The following PCDHA7 variants were observed in gnomAD, a reference collection of about 807,000 sequenced individuals.
PCDHA7 encodes the protein protocadherin alpha 7, also known as protocadherin alpha-7.
A neutral mutation model predicts 57.2 loss-of-function variants in PCDHA7; 37 were observed. The ratio of observed to expected loss-of-function variants is 0.65; its 90% CI spans 0.50 to 0.85. PCDHA7 has a LOEUF of 0.85. Ranked by LOEUF, PCDHA7 falls within the 40% of genes least tolerant of loss-of-function variation. The pLI is 0.00. For missense variants in PCDHA7, 1,188 were observed against 1,241.8 expected (o/e 0.96, Z 0.65); for synonymous variants, 553 against 558.8 (o/e 0.99, Z 0.15).
chr5:140,907,009 C>A (rs2193983), intron 1 of PCDHA7, among the ~76,000 whole-genome samples: 26,809 of 152,052 alleles, frequency 0.18, 2,652 homozygotes, highest in African/African-American at 0.27. Flanking sequence ...GGAACTAAGA[C>A]CTCTAGGCCA....
chr5:140,856,541 G>T lies in PCDHA7; in HGVS notation c.2355+19803G>T, dbSNP rs1554148841. 5.0e-6 allele frequency: 8 copies of T among 1,598,164 alleles called. 2 individuals carry two copies. Among genetic ancestry groups the T allele is most frequent in the South Asian group, 4.4e-5 (4 of 90,522 alleles). On this transcript the variant is annotated intron_variant, in intron 1 of 3. Transcript: ENST00000525929. ...ATCTGATGCGGATGTTGGAGAGAAC[G>T]CATTGCTTACTTACAAACTCAGTCC...
At chr5:140,850,501 T>C (rs2150486644) in intron 1 of PCDHA7, 1 of 1,598,068 alleles carries the variant, frequency 6.3e-7, no homozygotes, top group African/African-American at 1.3e-5. Context: ...CTGGTGTCGC[T>C]GGTGGAGAGC....
At chr5:140,955,381 T>TG (rs782287731) in intron 1 of PCDHA7, among the ~76,000 whole-genome samples, 4 of 152,136 alleles carry the variant, frequency 2.6e-5, no homozygotes, top group Non-Finnish European at 5.9e-5. Context: ...AATTGAATCA[T>TG]GGGGGCAATT....
At chr5:140,941,506 G>A (rs556309408) in intron 1 of PCDHA7, among the ~76,000 whole-genome samples, 3 of 151,236 alleles carry the variant, frequency 2.0e-5, no homozygotes, top group Non-Finnish European at 4.4e-5. Flanking sequence ...TAGTAGAGAC[G>A]AGGTTTCACC....
At chr5:140,869,850 G>A in intron 1 of PCDHA7, 1 of 1,610,774 alleles carries the variant, frequency 6.2e-7, no homozygotes, top group South Asian at 1.1e-5. Flanking sequence ...AATATAAGGT[G>A]AGCCTTATGG....
intron 1 of PCDHA7, among the ~76,000 whole-genome samples, chr5:140,910,738 C>G (rs2075147470): frequency 6.6e-6 from 1 of 152,098 alleles, no homozygotes; most frequent in Non-Finnish European, 1.5e-5. Context: ...GCTAACCAAG[C>G]ACATAAATTA....
chr5:140,877,949 A>G (rs1554170233), intron 1 of PCDHA7: 1 of 1,348,792 alleles, frequency 7.4e-7, no homozygotes, highest in East Asian at 2.6e-5. Flanking sequence ...AAACTATCGA[A>G]TGTCTCATCT....
chr5:140,841,175 A>G (rs1265444070), intron 1 of PCDHA7: 19 of 1,071,444 alleles, frequency 1.8e-5, no homozygotes, highest in African/African-American at 3.2e-5. Flanking sequence ...CTGGTTGGTC[A>G]ATGTTCAAAG....
At position 140,869,188 on chromosome 5, in the gene PCDHA7, G is replaced by T. The variant is rs200563745; in HGVS notation, c.2355+32450G>T. 364 of 1,613,946 alleles carry T rather than the reference G, an allele frequency of 2.3e-4. 4 individuals carry two copies. In the Admixed American group the frequency reaches 5.9e-3, roughly 26 times the overall value. On this transcript the variant is annotated intron_variant, in intron 1 of 3. Coordinates refer to ENST00000525929, the MANE Select transcript of PCDHA7 (RefSeq NM_018910.3). ...CCTCGAATTCTGGGAGGTGGGGAGC[G>T]GCCAGCTCCACTACTCCGTCTCGGA...
intron 1 of PCDHA7, among the ~76,000 whole-genome samples, chr5:140,924,692 C>T (rs1421659285): frequency 2.0e-5 from 3 of 151,910 alleles, no homozygotes; most frequent in Admixed American, 6.6e-5. Flanking sequence ...GTCAGGAGTT[C>T]GAGACCAGCT....
At chr5:140,850,781 G>C (rs2150498025) in intron 1 of PCDHA7, 2 of 1,598,096 alleles carry the variant, frequency 1.3e-6, no homozygotes, top group African/African-American at 2.7e-5. Context: ...GCTCTGGCGA[G>C]GGTAAGCAGA....
chr5:140,931,279 C>T (rs73793526), intron 1 of PCDHA7, among the ~76,000 whole-genome samples: 2,016 of 152,088 alleles, frequency 0.013, 37 homozygotes, highest in African/African-American at 0.046. Context: ...CTTTTATTTT[C>T]ATTGCTTTCT....
chr5:140,865,652 A>G (rs1413896571), intron 1 of PCDHA7: 1 of 152,206 alleles, frequency 6.6e-6, no homozygotes, highest in Non-Finnish European at 1.5e-5. Context: ...ACATTATTTC[A>G]TTTAATACTT....
rs2150237441 is a variant in PCDHA7 at position 140,835,520 on chromosome 5, T to C, written c.1137T>C (p.Phe379=). Residue 379 remains phenylalanine (F), a synonymous_variant, in exon 1 of 4, where the codon TTT becomes TTC. Transcript: ENST00000525929. Reference sequence around the variant, plus strand: ...TGATTAGCGTGTTTGACCGAGATTTTGGAGTCAACGGACAGGTTACCTGCT... The same window carrying C: ...TGATTAGCGTGTTTGACCGAGATTTCGGAGTCAACGGACAGGTTACCTGCT... ...ITLISVFDRD[F]GVNGQVTCSL... The C allele has an allele frequency of 5.6e-6, 9 of 1,613,956 alleles. No homozygotes were observed. Among genetic ancestry groups the C allele is most frequent in the Non-Finnish European group, 6.8e-6 (8 of 1,179,884 alleles).
chr5:140,999,812 G>A (rs1305602487), intron 3 of PCDHA7, among the ~76,000 whole-genome samples: 2 of 152,270 alleles, frequency 1.3e-5, no homozygotes, highest in East Asian at 3.9e-4. Flanking sequence ...CACAAAGCAA[G>A]AGCTGTGGCT....
At chr5:140,850,316 T>G in intron 1 of PCDHA7, 1 of 1,597,142 alleles carries the variant, frequency 6.3e-7, no homozygotes, top group Non-Finnish European at 8.6e-7. Context: ...ACGCGTGGCT[T>G]TCATACGAGC....
At chr5:140,967,588 A>G (rs782208520) in intron 1 of PCDHA7, 7 of 1,614,116 alleles carry the variant, frequency 4.3e-6, no homozygotes, top group Non-Finnish European at 5.1e-6. Flanking sequence ...CCCCAGGCAC[A>G]TTGGTGGTGA....
intron 3 of PCDHA7, among the ~76,000 whole-genome samples, chr5:141,000,895 T>C (rs896500322): frequency 5.3e-5 from 8 of 152,072 alleles, no homozygotes; most frequent in Non-Finnish European, 1.2e-4. Context: ...GCAACAGATA[T>C]AGACGCTGTC....
rs2150265046 is a variant in PCDHA7, at chr5:140,836,597, T to C, written c.2214T>C (p.Thr738=). 4.3e-6 allele frequency: 7 copies of C among 1,613,676 alleles called. No homozygotes were observed. Among genetic ancestry groups the C allele is most frequent in the Non-Finnish European group, 5.1e-6 (6 of 1,179,794 alleles). The change falls in exon 1 of 4, where the codon ACT becomes ACC. Residue 738 remains threonine, a synonymous_variant. Transcript: ENST00000525929. ...GCGCATGTAGTTTGGTAAAGCCCAC[T>C]CTGGTGTGCTCCAGCGCGGTGGGGA... ...SEGACSLVKP[T]LVCSSAVGSW...
Sources: allele counts gnomAD v4.1 joint callset (sites outside exome capture counted in the v4.1 genomes callset), GRCh38; gene constraint gnomAD v4.1.1; transcripts MANE v1.5; gene names NCBI Gene and HGNC (gene_info 2026-07-23, HGNC 2026-07-21).